The following NFIB variants were observed in gnomAD, a reference collection of about 807,000 sequenced individuals.
NFIB encodes the protein nuclear factor 1 B-type.
Under a neutral mutation model 61.5 loss-of-function variants are expected in NFIB, and 11 were observed. The observed-to-expected ratio is 0.18, with a 90% CI of 0.11 to 0.30. NFIB has a LOEUF of 0.30. Ranked by LOEUF, NFIB falls within the 10% of genes least tolerant of loss-of-function variation. The pLI is 1.00. For missense variants in NFIB, 471 were observed against 608.9 expected (o/e 0.77, Z 2.38); for synonymous variants, 260 against 216.5 (o/e 1.20, Z -1.76).
chr9:14,268,231 C>T (rs2057357849), intron 2 of NFIB, among the ~76,000 whole-genome samples: 2 of 152,118 alleles, frequency 1.3e-5, no homozygotes, highest in Admixed American at 6.6e-5. Context: ...TCCCTTCACT[C>T]CATTTTCTTC....
chr9:14,203,845 G>A (rs916556025), intron 2 of NFIB, among the ~76,000 whole-genome samples: 1 of 152,052 alleles, frequency 6.6e-6, no homozygotes, highest in African/African-American at 2.4e-5. Flanking sequence ...GGTCTTTTAC[G>A]AAATTCTGCT....
At chr9:14,098,307 T>C (rs1306600917) in intron 10 of NFIB, among the ~76,000 whole-genome samples, 1 of 152,216 alleles carries the variant, frequency 6.6e-6, no homozygotes, top group Non-Finnish European at 1.5e-5. Context: ...CACTCACTTG[T>C]GGCTTTGCGT....
At chr9:14,113,204 C>A (rs2037644922) in intron 9 of NFIB, 123 bp from the exon 10 acceptor site, 2 of 726,134 alleles carry the variant, frequency 2.8e-6, no homozygotes, top group Middle Eastern at 5.0e-4. Flanking sequence ...GTCTTCATTT[C>A]TCTTCTCTTT....
intron 10 of NFIB, chr9:14,094,155 A>G (rs1287479459): frequency 6.6e-6 from 1 of 152,080 alleles, no homozygotes. Context: ...TAGGATCTGT[A>G]TTTCTACCCA....
At chr9:14,175,008 A>C (rs1162452189) in intron 3 of NFIB, among the ~76,000 whole-genome samples, 1 of 152,064 alleles carries the variant, frequency 6.6e-6, no homozygotes, top group African/African-American at 2.4e-5. Flanking sequence ...AGATGAACAA[A>C]TGACAATGAA....
chr9:14,459,053 T>G, the NFIB span, among the ~76,000 whole-genome samples: 1 of 152,022 alleles, frequency 6.6e-6, no homozygotes, highest in Non-Finnish European at 1.5e-5. Context: ...GAGCCCGCAT[T>G]GCCAAGTCAA....
intron 2 of NFIB, among the ~76,000 whole-genome samples, chr9:14,252,994 G>C (rs762617480): frequency 1.3e-5 from 2 of 151,952 alleles, no homozygotes; most frequent in Admixed American, 6.6e-5. Context: ...AGGGAAGGCA[G>C]GTTGGTTTCT....
At chr9:14,331,303 T>A (rs1290822427) in intron 1 of NFIB, among the ~76,000 whole-genome samples, 1 of 152,182 alleles carries the variant, frequency 6.6e-6, no homozygotes, top group Admixed American at 6.5e-5. Context: ...CCCGTTGCCA[T>A]AGCTTAATAG....
chr9:14,237,867 G>C (rs1187585575), intron 2 of NFIB, among the ~76,000 whole-genome samples: 3 of 148,606 alleles, frequency 2.0e-5, no homozygotes, highest in African/African-American at 7.4e-5. Context: ...GTGTGTGTGT[G>C]TGTGTGTGTG....
intron 2 of NFIB, among the ~76,000 whole-genome samples, chr9:14,249,382 G>A (rs1048177739): frequency 5.9e-5 from 9 of 152,088 alleles, no homozygotes; most frequent in African/African-American, 2.2e-4. Context: ...GTATTACTCG[G>A]AAATCTCACA....
chr9:14,482,545 G>T, the NFIB span, among the ~76,000 whole-genome samples: 4 of 152,234 alleles, frequency 2.6e-5, no homozygotes, highest in African/African-American at 9.6e-5. Context: ...CGTAAGTAAA[G>T]AATTCTTGGG....
At chr9:14,267,620 C>A (rs1376765720) in intron 2 of NFIB, among the ~76,000 whole-genome samples, 1 of 152,144 alleles carries the variant, frequency 6.6e-6, no homozygotes, top group Non-Finnish European at 1.5e-5. Context: ...TATTAGTTTT[C>A]TCATAGCATT....
At chr9:14,202,130 A>T (rs575899956) in intron 2 of NFIB, among the ~76,000 whole-genome samples, 7 of 131,278 alleles carry the variant, frequency 5.3e-5, no homozygotes, top group South Asian at 4.7e-4. Context: ...GATACTTTTC[A>T]CACACACACA....
At chr9:14,380,454 G>A (rs1356367399) in intron 1 of NFIB, among the ~76,000 whole-genome samples, 1 of 152,158 alleles carries the variant, frequency 6.6e-6, no homozygotes, top group Non-Finnish European at 1.5e-5. Context: ...TAAAACTAAA[G>A]GGAAATGTCT....
intron 1 of NFIB, among the ~76,000 whole-genome samples, chr9:14,381,277 C>T (rs2061486207): frequency 6.6e-6 from 1 of 151,794 alleles, no homozygotes; most frequent in Non-Finnish European, 1.5e-5. Flanking sequence ...TTGCAACCTC[C>T]ACCTCCTGGG....
chr9:14,292,809 C>A (rs2059189092), intron 2 of NFIB, among the ~76,000 whole-genome samples: 1 of 152,130 alleles, frequency 6.6e-6, no homozygotes, highest in African/African-American at 2.4e-5. Context: ...TCTAATTTTT[C>A]TTTTTTTAAT....
intron 10 of NFIB, among the ~76,000 whole-genome samples, chr9:14,101,716 G>T (rs541165448): frequency 6.6e-6 from 1 of 152,282 alleles, no homozygotes; most frequent in Admixed American, 6.5e-5. Context: ...AGCTGACTTT[G>T]AAATACTTAC....
upstream of NFIB, among the ~76,000 whole-genome samples, chr9:14,315,549 G>A (rs1317813091): frequency 2.1e-5 from 3 of 143,406 alleles, no homozygotes; most frequent in African/African-American, 7.5e-5. Flanking sequence ...TGCGGGGCGG[G>A]CCGGCGGGCG....
At chr9:14,368,131 G>A (rs916515595) in intron 1 of NFIB, among the ~76,000 whole-genome samples, 4 of 143,428 alleles carry the variant, frequency 2.8e-5, no homozygotes, top group East Asian at 2.1e-4. Flanking sequence ...TGTATCTTAC[G>A]TGTAAAGTAA....
Sources: gnomAD v4.1 joint callset for allele counts (sites outside exome capture counted in the v4.1 genomes callset) on GRCh38, gnomAD v4.1.1 for gene constraint, MANE v1.5 for transcripts, NCBI Gene and HGNC (gene_info 2026-07-23, HGNC 2026-07-21) for gene names.